DNMBP: variants seen among roughly 807,000 people sequenced by gnomAD.
The protein encoded by DNMBP is dynamin binding protein.
DNMBP carries 87 observed loss-of-function variants against 150.0 expected under a neutral mutation model. That is an observed-to-expected ratio of 0.58 (90% CI 0.49 to 0.69). DNMBP has a LOEUF of 0.69. Among genes scored for constraint, DNMBP ranks in the 30% least tolerant of loss-of-function variants. DNMBP has a pLI of 0.00. For synonymous variants in DNMBP, 711 were observed against 750.4 expected (o/e 0.95, Z 0.86); for missense variants, 1,774 against 1,949.0 (o/e 0.91, Z 1.69).
intron 1 of DNMBP, among the ~76,000 whole-genome samples, chr10:100,005,981 G>A (rs138937393): frequency 6.2e-4 from 94 of 152,120 alleles, no homozygotes; most frequent in African/African-American, 2.1e-3. Flanking sequence ...GATTCCTTGC[G>A]TGTTATAAAA....
At chr10:99,991,682 G>A (rs577269373) in intron 1 of DNMBP, among the ~76,000 whole-genome samples, 114 of 151,698 alleles carry the variant, frequency 7.5e-4, no homozygotes, top group Admixed American at 1.6e-3. Flanking sequence ...CAAGGCAGGC[G>A]GATCACAAGG....
At chr10:99,878,406 C>A (rs1306686858) in intron 16 of DNMBP, among the ~76,000 whole-genome samples, 1 of 152,214 alleles carries the variant, frequency 6.6e-6, no homozygotes, top group African/African-American at 2.4e-5. Context: ...ACTACATTCC[C>A]TGCTCGAACT....
chr10:99,956,673 C>A lies in DNMBP; in HGVS notation c.801G>T (p.Gly267=), dbSNP rs1399204656. 1 of 1,613,638 alleles carries A rather than the reference C, an allele frequency of 6.2e-7. No individual in the cohort carries two copies. Among genetic ancestry groups the A allele is most frequent in the South Asian group, 1.1e-5 (1 of 91,060 alleles). The stretch of plus-strand genomic sequence containing the variant: ...AGGTCGCCAGAATTCGGATTTTATC[C>A]CCGACCTCGAAATCCAGCTCATTTG... ...LEPNELDFEV[G]DKIRILATLE... Residue 267 remains glycine, a synonymous_variant, in exon 4 of 17, where the codon GGG becomes GGT. Coordinates refer to ENST00000324109, the MANE Select transcript of DNMBP (RefSeq NM_015221.4).
chr10:99,909,707 T>TA lies in DNMBP; in HGVS notation c.2261-562dup, dbSNP rs1032816468. On this transcript the variant is annotated intron_variant, in intron 4 of 16. Coordinates refer to ENST00000324109, the MANE Select transcript of DNMBP (RefSeq NM_015221.4). ...CAACACTAGCATATAATGAAATAGG[T>TA]AAAAAAAATTGTTTAGATTTTCCCT... Among the ~76,000 whole-genome samples the TA allele has an allele frequency of 5.3e-5, 8 of 152,080 alleles. No individual in the cohort carries two copies. In the East Asian group the frequency reaches 7.7e-4, roughly 15 times the overall value.
chr10:99,975,406 A>C (rs182427899), intron 1 of DNMBP, among the ~76,000 whole-genome samples: 4 of 152,288 alleles, frequency 2.6e-5, no homozygotes. Flanking sequence ...GTGGATAAAC[A>C]TATTAGGCAT....
chr10:99,885,916 A>C (rs1362089451), intron 13 of DNMBP, 50 bp from the exon 14 acceptor site: 2 of 1,486,490 alleles, frequency 1.3e-6, no homozygotes, highest in Non-Finnish European at 1.8e-6. Context: ...AAACACGATA[A>C]AAGATCCCAG....
chr10:99,898,392 A>C, intron 8 of DNMBP, 107 bp from the exon 9 acceptor site: 1 of 833,342 alleles, frequency 1.2e-6, no homozygotes, highest in Non-Finnish European at 2.0e-6. Context: ...TAACATAATA[A>C]TAATGTACAC....
chr10:99,915,140 C>CATAT (rs537936826), intron 4 of DNMBP, among the ~76,000 whole-genome samples: 1 of 137,228 alleles, frequency 7.3e-6, no homozygotes, highest in African/African-American at 2.8e-5. Context: ...CACACACACA[C>CATAT]ATATATATAC....
chr10:99,879,231 G>A (rs1564711736), intron 16 of DNMBP, among the ~76,000 whole-genome samples: 2 of 152,112 alleles, frequency 1.3e-5, no homozygotes, highest in East Asian at 1.9e-4. Flanking sequence ...TTGGGAGGCC[G>A]AGGTGGGCGG....
intron 4 of DNMBP, among the ~76,000 whole-genome samples, chr10:99,936,788 T>C (rs2040237285): frequency 1.3e-5 from 2 of 152,224 alleles, no homozygotes; most frequent in African/African-American, 4.8e-5. Context: ...CACTGAAGCT[T>C]TGAACTCCTG....
At chr10:99,952,615 C>T (rs1023917533) in intron 4 of DNMBP, among the ~76,000 whole-genome samples, 1 of 152,208 alleles carries the variant, frequency 6.6e-6, no homozygotes, top group Non-Finnish European at 1.5e-5. Flanking sequence ...TCTAGGACCC[C>T]TCCTACCGCA....
chr10:100,005,779 A>AAC, intron 1 of DNMBP, among the ~76,000 whole-genome samples: 2 of 69,432 alleles, frequency 2.9e-5, no homozygotes, highest in Non-Finnish European at 6.8e-5. Flanking sequence ...AAAAAAAAAA[A>AAC]AAAAACCAAA....
At position 99,891,434 on chromosome 10, in the gene DNMBP, C is replaced by T. The variant is rs376459038; in HGVS notation, c.3157-2481G>A. Among the ~76,000 whole-genome samples, 460 of 151,846 alleles carry T rather than the reference C, an allele frequency of 3.0e-3. 22 individuals are homozygous for T. The East Asian group carries it at 0.08, about 26-fold the overall frequency. On this transcript the variant is annotated intron_variant, in intron 11 of 16. Transcript: ENST00000324109. ...GAGTGATCCGCCAGCCTCGGCCTCC[C>T]GAGGTGCCGGGATTGCAGACGGAGT...
At chr10:99,909,957 T>C (rs1488769982) in intron 4 of DNMBP, among the ~76,000 whole-genome samples, 1 of 152,252 alleles carries the variant, frequency 6.6e-6, no homozygotes, top group Non-Finnish European at 1.5e-5. Context: ...TCTATAAACA[T>C]GGAACAGCGT....
intron 1 of DNMBP, among the ~76,000 whole-genome samples, chr10:100,004,158 T>C (rs2041044921): frequency 6.7e-6 from 1 of 149,876 alleles, no homozygotes; most frequent in Non-Finnish European, 1.5e-5. Context: ...AATGGGAGGA[T>C]CACTTGAGCC....
At chr10:100,002,483 G>A (rs895229279) in intron 1 of DNMBP, among the ~76,000 whole-genome samples, 1 of 152,078 alleles carries the variant, frequency 6.6e-6, no homozygotes, top group Non-Finnish European at 1.5e-5. Flanking sequence ...AGTAAAGACC[G>A]ATCCACAGAG....
chr10:99,906,162 C>A (rs958181509), intron 6 of DNMBP, among the ~76,000 whole-genome samples: 6 of 152,026 alleles, frequency 3.9e-5, no homozygotes, highest in African/African-American at 1.4e-4. Flanking sequence ...TTCCTGTGTC[C>A]GTTTTTCTCC....
At chr10:99,883,073 TACAC>T (rs2039394798) in intron 15 of DNMBP, among the ~76,000 whole-genome samples, 1 of 152,194 alleles carries the variant, frequency 6.6e-6, no homozygotes, top group Middle Eastern at 3.4e-3. Flanking sequence ...GAAAAATACA[TACAC>T]ATGACTATTC....
chr10:99,883,499 A>C (rs1011288229), intron 15 of DNMBP, among the ~76,000 whole-genome samples: 1 of 151,898 alleles, frequency 6.6e-6, no homozygotes, highest in Non-Finnish European at 1.5e-5. Flanking sequence ...CGTAATATCT[A>C]TAAAATTATT....
Sources: gnomAD v4.1 joint callset for allele counts (sites outside exome capture counted in the v4.1 genomes callset) on GRCh38, gnomAD v4.1.1 for gene constraint, MANE v1.5 for transcripts, NCBI Gene and HGNC (gene_info 2026-07-23, HGNC 2026-07-21) for gene names.